The following PSD2 variants were observed in gnomAD, a reference collection of about 807,000 sequenced individuals.
PSD2 encodes pleckstrin and Sec7 domain containing 2, also known as PH and SEC7 domain-containing protein 2.
A neutral mutation model predicts 69.8 loss-of-function variants in PSD2; 38 were observed. The observed-to-expected ratio is 0.54, with a 90% CI of 0.42 to 0.71. The LOEUF is 0.71. Ranked by LOEUF, PSD2 falls within the 30% of genes least tolerant of loss-of-function variation. PSD2 has a pLI of 0.00. For missense variants in PSD2, 943 were observed against 1,014.5 expected (o/e 0.93, Z 0.96); for synonymous variants, 412 against 423.0 (o/e 0.97, Z 0.32).
At chr5:139,761,233 C>A in the PSD2 span, among the ~76,000 whole-genome samples, 1 of 152,178 alleles carries the variant, frequency 6.6e-6, no homozygotes, top group African/African-American at 2.4e-5. Flanking sequence ...GATGTCAGCC[C>A]ATTTTACAGA....
chr5:139,823,777 A>C (rs80267629), intron 7 of PSD2, among the ~76,000 whole-genome samples: 6,008 of 152,302 alleles, frequency 0.039, 400 homozygotes, highest in African/African-American at 0.14. Flanking sequence ...TAAAAAGAAC[A>C]ATAGTATTCC....
At chr5:139,823,942 G>C (rs541804704) in intron 7 of PSD2, among the ~76,000 whole-genome samples, 1 of 152,196 alleles carries the variant, frequency 6.6e-6, no homozygotes. Flanking sequence ...CAGTGCCTGC[G>C]TCAGGAAGAG....
the PSD2 span, among the ~76,000 whole-genome samples, chr5:139,763,174 C>T: frequency 1.3e-5 from 2 of 152,062 alleles, no homozygotes; most frequent in Non-Finnish European, 2.9e-5. Flanking sequence ...CTGGAAGAAA[C>T]ATCTTGTCTA....
At chr5:139,800,173 C>T (rs1759635015) in intron 1 of PSD2, among the ~76,000 whole-genome samples, 1 of 152,226 alleles carries the variant, frequency 6.6e-6, no homozygotes, top group Non-Finnish European at 1.5e-5. Context: ...GACCCCAATT[C>T]CCTTACCTCA....
chr5:139,784,294 C>T, the PSD2 span, among the ~76,000 whole-genome samples: 2 of 151,964 alleles, frequency 1.3e-5, no homozygotes, highest in Admixed American at 6.6e-5. Context: ...TCCTGTGACA[C>T]GGCCCTCCCC....
chr5:139,801,169 C>A (rs993396934), intron 1 of PSD2, among the ~76,000 whole-genome samples: 1 of 150,714 alleles, frequency 6.6e-6, no homozygotes, highest in African/African-American at 2.5e-5. Flanking sequence ...TGCGCCACTG[C>A]ACTCCAGCCT....
chr5:139,757,369 GCTT>G, the PSD2 span, among the ~76,000 whole-genome samples: 1 of 152,234 alleles, frequency 6.6e-6, no homozygotes, highest in South Asian at 2.1e-4. Flanking sequence ...GGGTTCACAA[GCTT>G]CTTCAGCTTT....
At chr5:139,826,031 CGAG>C (rs1760410282) in intron 7 of PSD2, among the ~76,000 whole-genome samples, 2 of 152,088 alleles carry the variant, frequency 1.3e-5, no homozygotes, top group Non-Finnish European at 2.9e-5. Context: ...GACAGCATTT[CGAG>C]GAGAAGGGAG....
In PSD2 at chr5:139,809,711, G is replaced by C; in HGVS notation, c.271G>C (p.Glu91Gln). 2 of 1,614,248 alleles carry C rather than the reference G, an allele frequency of 1.2e-6. No individual in the cohort carries two copies. The highest frequency in any genetic ancestry group is 1.7e-6 in the Non-Finnish European group (2 of 1,180,050). ...LALGPDLNIL[E>Q]DSAESRPWRA... The stretch of plus-strand genomic sequence containing the variant: ...CCTGGGGCCAGACTTGAACATTCTG[G>C]AAGATTCAGCGGAGTCCAGGCCCTG... Residue 91 changes from glutamate to glutamine, a missense_variant, in exon 2 of 15, where the codon GAA (glutamate) becomes CAA (glutamine). By Grantham distance (29) the Glu-to-Gln change is conservative. Around this residue, in one of 3 missense-constraint regions of PSD2, gnomAD observed 466 missense variants for 445.0 expected, o/e 1.05. Coordinates refer to ENST00000274710, the MANE Select transcript of PSD2 (RefSeq NM_032289.4).
At chr5:139,795,614 G>A (rs976944031), upstream of PSD2, among the ~76,000 whole-genome samples, 1 of 151,888 alleles carries the variant, frequency 6.6e-6, no homozygotes, top group African/African-American at 2.4e-5. This position sits in a 1 kb window ranked among gnomAD's most constrained non-coding sequence, Gnocchi z 4.5. Context: ...GGGACAAGGT[G>A]GGCCGCGCTC....
intron 1 of PSD2, among the ~76,000 whole-genome samples, chr5:139,798,651 CTCTCTCTCTCTCTT>C (rs996514975): frequency 3.3e-5 from 5 of 151,700 alleles, no homozygotes; most frequent in African/African-American, 9.7e-5. Context: ...ACATTTGTTT[CTCTCTCTCTCTCTT>C]TCTCTCTCTC....
the PSD2 span, among the ~76,000 whole-genome samples, chr5:139,790,450 G>A: frequency 6.6e-6 from 1 of 151,938 alleles, no homozygotes; most frequent in Non-Finnish European, 1.5e-5. Flanking sequence ...ATGGGAAAGA[G>A]TGAGATGGAG....
chr5:139,835,549 G>A (rs1169123629), intron 8 of PSD2, among the ~76,000 whole-genome samples, 174 bp from the exon 9 acceptor site: 3 of 152,078 alleles, frequency 2.0e-5, no homozygotes, highest in South Asian at 2.1e-4. Flanking sequence ...CCACCCATCC[G>A]TACATCCACC....
the PSD2 span, among the ~76,000 whole-genome samples, chr5:139,751,690 A>G: frequency 6.6e-6 from 1 of 151,532 alleles, no homozygotes; most frequent in African/African-American, 2.4e-5. Context: ...TGAGATGTCG[A>G]TGCTCATCAC....
In PSD2 at chr5:139,833,804, G is replaced by GA. The variant is rs1561606800; in HGVS notation, c.1359+14dup. The GA allele has an allele frequency of 6.3e-7, 1 of 1,592,156 alleles. No homozygotes were observed. Among genetic ancestry groups the GA allele is most frequent in the South Asian group, 1.1e-5 (1 of 90,646 alleles). On this transcript the variant is annotated intron_variant, in intron 8 of 14. Coordinates refer to ENST00000274710, the MANE Select transcript of PSD2 (RefSeq NM_032289.4). ...AGACCTGCTGAAGGTACTGTCTGCT[G>GA]AGTGTCCCCATCCCACTAGCTGTGC...
chr5:139,762,802 G>A, the PSD2 span, among the ~76,000 whole-genome samples: 10 of 152,162 alleles, frequency 6.6e-5, no homozygotes, highest in African/African-American at 2.4e-4. Context: ...GGCAGGACAG[G>A]AGGCCTGGCT....
chr5:139,808,472 G>A (rs1759865567), intron 1 of PSD2, among the ~76,000 whole-genome samples: 1 of 152,198 alleles, frequency 6.6e-6, no homozygotes, highest in Non-Finnish European at 1.5e-5. Flanking sequence ...AGTGGGGCTG[G>A]CCTGGGCAGG....
At chr5:139,821,227 C>T (rs1266513681) in intron 5 of PSD2, among the ~76,000 whole-genome samples, 1 of 152,222 alleles carries the variant, frequency 6.6e-6, no homozygotes, top group Non-Finnish European at 1.5e-5. Context: ...GCCACCGCGC[C>T]TGGCCCAGTG....
At chr5:139,765,368 C>G in the PSD2 span, among the ~76,000 whole-genome samples, 224 of 152,228 alleles carry the variant, frequency 1.5e-3, no homozygotes, top group Middle Eastern at 6.8e-3. Context: ...CCCCAGGGAC[C>G]ACCCACTGCC....
Sources: allele counts gnomAD v4.1 joint callset (sites outside exome capture counted in the v4.1 genomes callset), GRCh38; gene constraint gnomAD v4.1.1; regional missense constraint gnomAD v4.1.1; non-coding constraint Gnocchi (gnomAD v3.1); transcripts MANE v1.5; gene names NCBI Gene and HGNC (gene_info 2026-07-23, HGNC 2026-07-21).